The following BNC2 variants were observed in gnomAD, a reference collection of about 807,000 sequenced individuals.
The protein encoded by BNC2 is basonuclin zinc finger protein 2, also known as zinc finger protein basonuclin-2.
BNC2 carries 20 observed loss-of-function variants against 76.3 expected under a neutral mutation model. The ratio of observed to expected loss-of-function variants is 0.26; its 90% CI spans 0.18 to 0.38. The LOEUF (loss-of-function observed/expected upper bound fraction) is 0.38. Among genes scored for constraint, BNC2 ranks in the 10% least tolerant of loss-of-function variants. The pLI, the probability that BNC2 is intolerant of heterozygous loss-of-function variation, is 1.00. For synonymous variants in BNC2, 582 were observed against 514.8 expected, an observed-to-expected ratio of 1.13 and a Z score of -1.77; for missense variants, 1,382 against 1,399.8, an observed-to-expected ratio of 0.99 and a Z score of 0.20.
chr9:16,759,957 T>C (rs1426290098), intron 1 of BNC2, among the ~76,000 whole-genome samples: 2 of 152,156 alleles, frequency 1.3e-5, no homozygotes, highest in Non-Finnish European at 2.9e-5. Flanking sequence ...TTTCCTGACC[T>C]CGTGATCCGC....
Position 16,678,945 on chromosome 9 carries a change from C to T in BNC2, c.330+48852G>A, listed in dbSNP as rs142102509. On this transcript the variant is annotated intron_variant, in intron 3 of 6. Coordinates refer to ENST00000380672, the MANE Select transcript of BNC2 (RefSeq NM_017637.6). ...ATATGTTCCCTTGCTTGAGGAGTAA[C>T]CTTCTATCGCCCAAGATAGTTGTTT... Among the ~76,000 whole-genome samples, 493 of 152,218 alleles carry T rather than the reference C, an allele frequency of 3.2e-3. 2 individuals carry two copies. The highest frequency in any genetic ancestry group is 0.017 in the Middle Eastern group (5 of 294).
At chr9:16,484,576 A>G (rs1316922480) in intron 5 of BNC2, among the ~76,000 whole-genome samples, 1 of 152,212 alleles carries the variant, frequency 6.6e-6, no homozygotes, top group African/African-American at 2.4e-5. Context: ...TGTACACCCC[A>G]ATAAAATAAT....
chr9:16,788,339 G>T (rs1473762593), intron 1 of BNC2, among the ~76,000 whole-genome samples: 5 of 151,596 alleles, frequency 3.3e-5, no homozygotes, highest in African/African-American at 9.7e-5. Context: ...AGATCATGAA[G>T]TCAGGAGATC....
rs1587003447 is a variant in BNC2 at position 16,416,909 on chromosome 9, G to C, written c.*2080C>G. The C allele has an allele frequency of 6.6e-6, 1 of 152,370 alleles. No homozygotes were observed. The highest frequency in any genetic ancestry group is 2.4e-5 in the African/African-American group (1 of 41,380). The allele number at this position is 152,370 out of a possible 1,614,324, so 9.4% of individuals were successfully genotyped here. ...CAGAAACATATTAACAGTTTCCTTT[G>C]GCAAATTTAACGGAAGTGAATGCTG... On this transcript the variant is annotated 3_prime_UTR_variant, in exon 7 of 7. Coordinates refer to ENST00000380672, the MANE Select transcript of BNC2 (RefSeq NM_017637.6).
In BNC2 at chr9:16,797,489, C is replaced by A. The variant is rs1321223411; in HGVS notation, c.4-59004G>T. Among the ~76,000 whole-genome samples the A allele has an allele frequency of 3.3e-5, 5 of 152,180 alleles. 1 individual carries two copies. The highest frequency in any genetic ancestry group is 7.3e-5 in the Non-Finnish European group (5 of 68,046). On this transcript the variant is annotated intron_variant, in intron 1 of 6. Transcript: ENST00000380672. ...GACTTCACCATCTTTCACAGCACAA[C>A]ACACTAGGAAGTTACTAACAATCAA...
intron 5 of BNC2, among the ~76,000 whole-genome samples, chr9:16,502,225 G>C (rs1822534273): frequency 6.6e-6 from 1 of 152,060 alleles, no homozygotes; most frequent in African/African-American, 2.4e-5. Flanking sequence ...TTAGCCAGAC[G>C]TGATGGCACA....
chr9:16,754,695 T>G (rs1825328609), intron 1 of BNC2, among the ~76,000 whole-genome samples: 1 of 152,042 alleles, frequency 6.6e-6, no homozygotes, highest in South Asian at 2.1e-4. Flanking sequence ...GTAGCTGGGA[T>G]TATAGCCACC....
chr9:16,743,236 G>A (rs543305409), intron 1 of BNC2, among the ~76,000 whole-genome samples: 1 of 151,620 alleles, frequency 6.6e-6, no homozygotes, highest in African/African-American at 2.4e-5. Flanking sequence ...TGACTTGAGT[G>A]TACAAGCTTT....
chr9:16,812,267 T>G (rs1818072739), intron 1 of BNC2, among the ~76,000 whole-genome samples: 3 of 152,226 alleles, frequency 2.0e-5, no homozygotes, highest in Non-Finnish European at 2.9e-5. Context: ...CGCTGGGGCT[T>G]CTTCACCTCT....
At chr9:16,663,376 C>T (rs1014631101) in intron 3 of BNC2, among the ~76,000 whole-genome samples, 9 of 152,074 alleles carry the variant, frequency 5.9e-5, no homozygotes, top group African/African-American at 2.2e-4. Flanking sequence ...GATCCACTGG[C>T]CTCAGCCTCC....
chr9:16,672,731 T>C (rs1442235989), intron 3 of BNC2, among the ~76,000 whole-genome samples: 1 of 152,232 alleles, frequency 6.6e-6, no homozygotes, highest in Non-Finnish European at 1.5e-5. Flanking sequence ...AGAGATTACA[T>C]GTGACATTTT....
chr9:16,859,347 A>G (rs548194577), intron 1 of BNC2, among the ~76,000 whole-genome samples: 1 of 152,354 alleles, frequency 6.6e-6, no homozygotes, highest in East Asian at 1.9e-4. Flanking sequence ...ACTTCTACAT[A>G]TATGTCCAAA....
At chr9:16,707,647 T>C (rs1394820627) in intron 3 of BNC2, among the ~76,000 whole-genome samples, 1 of 152,098 alleles carries the variant, frequency 6.6e-6, no homozygotes, top group Non-Finnish European at 1.5e-5. Context: ...TTATTACTAT[T>C]ATTATTATTT....
chr9:16,492,200 C>T (rs1360748967), intron 5 of BNC2, among the ~76,000 whole-genome samples: 1 of 151,498 alleles, frequency 6.6e-6, no homozygotes, highest in Non-Finnish European at 1.5e-5. Context: ...GTGGGCAAGA[C>T]AAATGCAAAA....
chr9:16,837,786 G>A (rs1450856408), intron 1 of BNC2, among the ~76,000 whole-genome samples: 3 of 152,042 alleles, frequency 2.0e-5, no homozygotes, highest in African/African-American at 7.2e-5. Context: ...TGGTCTTAGG[G>A]CTCCTAAGCT....
chr9:16,599,473 T>C (rs1369289066), intron 3 of BNC2, among the ~76,000 whole-genome samples: 1 of 152,194 alleles, frequency 6.6e-6, no homozygotes, highest in African/African-American at 2.4e-5. Flanking sequence ...CCTCAACTTG[T>C]CTTTAAGTAA....
chr9:16,689,195 G>T (rs1384053887), intron 3 of BNC2, among the ~76,000 whole-genome samples: 1 of 150,106 alleles, frequency 6.7e-6, no homozygotes, highest in Non-Finnish European at 1.5e-5. Context: ...AAATGTTAGG[G>T]ACCAGACTTC....
At chr9:16,604,463 C>G (rs553172739) in intron 3 of BNC2, among the ~76,000 whole-genome samples, 376 of 152,220 alleles carry the variant, frequency 2.5e-3, no homozygotes, top group African/African-American at 8.6e-3. Context: ...CAAAACTATG[C>G]TAAACCTACG....
chr9:16,765,047 A>G lies in BNC2; in HGVS notation c.4-26562T>C, dbSNP rs1279640620. 2.0e-5 allele frequency among the ~76,000 whole-genome samples: 3 copies of G among 152,208 alleles called. No homozygotes were observed. The East Asian group carries it at 5.8e-4, about 29-fold the overall frequency. The stretch of plus-strand genomic sequence containing the variant: ...TATCTTCCATCTTGGCTCTTGGTTT[A>G]GGAAGAAGTAACAACTCTTTAGAGT... On this transcript the variant is annotated intron_variant, in intron 1 of 6. Coordinates refer to ENST00000380672, the MANE Select transcript of BNC2 (RefSeq NM_017637.6).
Sources: gnomAD v4.1 joint callset for allele counts (sites outside exome capture counted in the v4.1 genomes callset) on GRCh38, gnomAD v4.1.1 for gene constraint, MANE v1.5 for transcripts, NCBI Gene and HGNC (gene_info 2026-07-23, HGNC 2026-07-21) for gene names.